FSD1: variants seen among roughly 807,000 people sequenced by gnomAD.
FSD1 encodes fibronectin type III and SPRY domain-containing protein 1.
A neutral mutation model predicts 58.2 loss-of-function variants in FSD1; 23 were observed. The ratio of observed to expected loss-of-function variants is 0.40; its 90% CI spans 0.28 to 0.56. The LOEUF (loss-of-function observed/expected upper bound fraction) is 0.56, where lower values mean the gene tolerates loss of function less well. FSD1 is among the 20% of genes least tolerant of loss of function. The probability of loss-of-function intolerance (pLI) is 0.54; values close to 1 mark genes in which losing one functional copy is unlikely to be tolerated. For missense variants in FSD1, 563 were observed against 670.8 expected, an observed-to-expected ratio of 0.84 and a Z score of 1.78; for synonymous variants, 265 against 263.4, an observed-to-expected ratio of 1.01 and a Z score of -0.06.
intron 10 of FSD1, among the ~76,000 whole-genome samples, chr19:4,320,752 G>A (rs1971804982): frequency 6.6e-6 from 1 of 151,550 alleles, no homozygotes; most frequent in Non-Finnish European, 1.5e-5. Flanking sequence ...AGCTGGGACT[G>A]AGGAGTATCT....
chr19:4,322,966 C>T lies in FSD1; in HGVS notation c.1040-20C>T. The T allele has an allele frequency of 6.3e-7, 1 of 1,599,432 alleles. No homozygotes were observed. Among genetic ancestry groups the T allele is most frequent in the Non-Finnish European group, 8.5e-7 (1 of 1,172,382 alleles). On this transcript the variant is annotated intron_variant, in intron 10 of 12. Coordinates refer to ENST00000221856, the MANE Select transcript of FSD1 (RefSeq NM_024333.3). Reference sequence around the variant, plus strand: ...GTTCTATCCAGTTCCCCTGCCCACCCCTCCTGCCCTGCGCCACAGGGGACA... The same window carrying T: ...GTTCTATCCAGTTCCCCTGCCCACCTCTCCTGCCCTGCGCCACAGGGGACA...
intron 10 of FSD1, among the ~76,000 whole-genome samples, chr19:4,320,535 G>A (rs1459068259): frequency 6.6e-6 from 1 of 152,192 alleles, no homozygotes; most frequent in Non-Finnish European, 1.5e-5. Context: ...GAGTCTGGAA[G>A]GAGTAGCTTG....
chr19:4,311,722 C>T, intron 6 of FSD1, 120 bp from the exon 7 acceptor site: 1 of 771,890 alleles, frequency 1.3e-6, no homozygotes, highest in East Asian at 2.6e-5. Context: ...AAACATGGAA[C>T]CCCTTTGTGG....
intron 10 of FSD1, among the ~76,000 whole-genome samples, chr19:4,321,514 G>A (rs1340737833): frequency 2.0e-5 from 3 of 151,282 alleles, no homozygotes; most frequent in African/African-American, 7.3e-5. Flanking sequence ...GGACTGAGGA[G>A]TATCTGGGGG....
chr19:4,320,715 GCA>G (rs1971804268), intron 10 of FSD1, among the ~76,000 whole-genome samples: 1 of 151,772 alleles, frequency 6.6e-6, no homozygotes, highest in Non-Finnish European at 1.5e-5. Flanking sequence ...GGGAATAGCT[GCA>G]GCCTGAGGAG....
At position 4,323,328 on chromosome 19, in the gene FSD1, A is replaced by G. The variant is rs1459708182; in HGVS notation, c.1292-20A>G. 6.2e-7 allele frequency: 1 copy of G among 1,608,188 alleles called. No homozygotes were observed. Among genetic ancestry groups the G allele is most frequent in the East Asian group, 2.2e-5 (1 of 44,686 alleles). Reference sequence around the variant, plus strand: ...CCCACTTCTGACCGGTCCCACTGTCACTCTGCCCCCCGACCCCAGGCCTCC... The same window carrying G: ...CCCACTTCTGACCGGTCCCACTGTCGCTCTGCCCCCCGACCCCAGGCCTCC... On this transcript the variant is annotated intron_variant, in intron 11 of 12. Transcript: ENST00000221856. The surrounding 1 kb of genome is among the most constrained non-coding windows in gnomAD (Gnocchi z 7.7).
chr19:4,322,874 A>G, intron 10 of FSD1, 112 bp from the exon 11 acceptor site: 2 of 1,301,712 alleles, frequency 1.5e-6, no homozygotes, highest in East Asian at 2.5e-5. Context: ...GTGTCTCTGC[A>G]GGGAGCAGCT....
In FSD1 at chr19:4,323,280, G is replaced by T; in HGVS notation, c.1291+43G>T. On this transcript the variant is annotated intron_variant, in intron 11 of 12. Coordinates refer to ENST00000221856, the MANE Select transcript of FSD1 (RefSeq NM_024333.3). The surrounding 1 kb of genome is among the most constrained non-coding windows in gnomAD (Gnocchi z 7.7). ...CTGCCGTCTCTGGCTGCCCCTGCCTGAGTCCCCTCCGTCTGCCCCCATCCC... is the reference window on the plus strand; with the variant it reads ...CTGCCGTCTCTGGCTGCCCCTGCCTTAGTCCCCTCCGTCTGCCCCCATCCC... 1 of 1,607,868 alleles carries T rather than the reference G, an allele frequency of 6.2e-7. No individual in the cohort carries two copies.
intron 7 of FSD1, among the ~76,000 whole-genome samples, chr19:4,316,077 G>T (rs1971752269): frequency 1.4e-5 from 2 of 145,972 alleles, no homozygotes; most frequent in African/African-American, 5.1e-5. Context: ...TTTTTTTTTT[G>T]AAAGACAGGT....
chr19:4,307,823 TCAGGGGGCCTGAGG>T, intron 3 of FSD1, 45 bp from the exon 4 acceptor site: 1 of 1,344,872 alleles, frequency 7.4e-7, no homozygotes, highest in Admixed American at 2.0e-5. Flanking sequence ...TGGGGAGCCC[TCAGGGGGCCTGAGG>T]CAGTGGGGTG....
At chr19:4,315,864 G>A (rs1790930977) in intron 7 of FSD1, among the ~76,000 whole-genome samples, 2 of 147,924 alleles carry the variant, frequency 1.4e-5, no homozygotes, top group Admixed American at 1.4e-4. Flanking sequence ...CCTGACCTCA[G>A]GTGATCTGCC....
intron 3 of FSD1, among the ~76,000 whole-genome samples, chr19:4,306,897 A>G: frequency 6.6e-6 from 1 of 151,950 alleles, no homozygotes; most frequent in Non-Finnish European, 1.5e-5. Flanking sequence ...CCTCCACTCA[A>G]ACACCACCCA....
At chr19:4,319,232 G>A (rs1203096910) in intron 10 of FSD1, among the ~76,000 whole-genome samples, 1 of 152,226 alleles carries the variant, frequency 6.6e-6, no homozygotes, top group African/African-American at 2.4e-5. Flanking sequence ...GGAGTATCTG[G>A]CACTTGGGGA....
At chr19:4,305,797 C>T (rs1299537434) in intron 1 of FSD1, 149 bp from the exon 2 acceptor site, 2 of 662,848 alleles carry the variant, frequency 3.0e-6, no homozygotes, top group Admixed American at 2.2e-5. Flanking sequence ...TGTGTGTGCG[C>T]ATGTGTGTGC....
rs1291660717 is a variant in FSD1 at position 4,310,476 on chromosome 19, G to A, written c.370G>A (p.Val124Met). ...PQAAKQIKDG[V>M]TMAPAFRLSL... The stretch of plus-strand genomic sequence containing the variant: ...ACGCCTGCCACCTCCTTCCTGCAGA[G>A]TGACCATGGCCCCTGCCTTCCGGCT... The change falls in exon 6 of 13, where the codon GTG becomes ATG. Residue 124 changes from valine (V) to methionine (M), a missense_variant and splice_region_variant. Transcript: ENST00000221856. 1.2e-6 allele frequency: 2 copies of A among 1,610,722 alleles called. No individual in the cohort carries two copies. The highest frequency in any genetic ancestry group is 1.7e-6 in the Non-Finnish European group (2 of 1,177,510).
At chr19:4,322,339 A>T (rs903058303) in intron 10 of FSD1, among the ~76,000 whole-genome samples, 1 of 148,986 alleles carries the variant, frequency 6.7e-6, no homozygotes, top group African/African-American at 2.5e-5. Context: ...CCCAAGAAGT[A>T]TCTGGAGGGG....
intron 10 of FSD1, among the ~76,000 whole-genome samples, chr19:4,322,543 CCGAAGGAGTATCTGGAGGGAATAGCTGG>C (rs1971708280): frequency 6.8e-6 from 1 of 147,108 alleles, no homozygotes; most frequent in Admixed American, 6.9e-5. Flanking sequence ...ATAGCTGGGT[CCGAAGGAGTATCTGGAGGGAATAGCTGG>C]GGCCCAAGGA....
At chr19:4,312,169 A>C in intron 7 of FSD1, 118 bp downstream of exon 7, 1 of 921,846 alleles carries the variant, frequency 1.1e-6, no homozygotes, top group Admixed American at 2.2e-5. Context: ...TGGGGTCTGG[A>C]AGCAGCCTGG....
chr19:4,323,610 T>G lies in FSD1; in HGVS notation c.1458T>G (p.Ser486Arg). Residue 486 changes from serine (S) to arginine (R), a missense_variant, in exon 13 of 13, where the codon AGT (serine) becomes AGG (arginine). By Grantham distance (110) the Ser-to-Arg change is moderately radical (BLOSUM62 -1). Transcript: ENST00000221856. The surrounding 1 kb of genome is among the most constrained non-coding windows in gnomAD (Gnocchi z 7.7). ...SAVRCLQKRG[S>R]ATSSSNTSLT ...TGCGCTGCCTGCAAAAGCGAGGCAG[T>G]GCTACCAGCAGCTCCAACACCAGCC... 2 of 1,612,810 alleles carry G rather than the reference T, an allele frequency of 1.2e-6. No homozygotes were observed. The highest frequency in any genetic ancestry group is 1.7e-6 in the Non-Finnish European group (2 of 1,179,532).
Sources: gnomAD v4.1 joint callset for allele counts (sites outside exome capture counted in the v4.1 genomes callset) on GRCh38, gnomAD v4.1.1 for gene constraint, Gnocchi (gnomAD v3.1) non-coding constraint, MANE v1.5 for transcripts, NCBI Gene and HGNC (gene_info 2026-07-23, HGNC 2026-07-21) for gene names.